The following CD6 variants were observed in gnomAD, a reference collection of about 807,000 sequenced individuals.
CD6 encodes T-cell differentiation antigen CD6.
Under a neutral mutation model 75.3 loss-of-function variants are expected in CD6, and 53 were observed. The observed-to-expected ratio is 0.70, with a 90% CI of 0.56 to 0.88. CD6 has a LOEUF of 0.88. CD6 is among the 40% of genes least tolerant of loss of function. CD6 has a pLI of 0.00. For missense variants in CD6, 770 were observed against 897.1 expected, an observed-to-expected ratio of 0.86 and a Z score of 1.81; for synonymous variants, 359 against 381.5, an observed-to-expected ratio of 0.94 and a Z score of 0.69.
chr11:61,019,151 C>T (rs1012832315), intron 12 of CD6, 103 bp from the exon 13 acceptor site: 2 of 777,402 alleles, frequency 2.6e-6, no homozygotes, highest in Non-Finnish European at 4.2e-6. Flanking sequence ...CATGCAGCAT[C>T]CCACGGGGAT....
Position 61,020,223 on chromosome 11 carries a change from G to A in CD6, c.*905G>A, listed in dbSNP as rs1859607357. On this transcript the variant is annotated 3_prime_UTR_variant, in exon 13 of 13. Transcript: ENST00000313421. ...TCCCCATGTGTCTCCTTGAATTGATGAGGATGCTCCTGGGAGGGATGCGTG... is the reference window on the plus strand; with the variant it reads ...TCCCCATGTGTCTCCTTGAATTGATAAGGATGCTCCTGGGAGGGATGCGTG... 2.5e-6 allele frequency: 1 copy of A among 398,840 alleles called. No homozygotes were observed. Among genetic ancestry groups the A allele is most frequent in the Non-Finnish European group, 4.4e-6 (1 of 226,076 alleles). 24.7% of individuals were successfully genotyped at this position (398,840 alleles called of 1,614,324 possible). A position where few individuals can be genotyped will look rare whatever the true frequency, so the allele number is the denominator to read the frequency against.
intron 1 of CD6, among the ~76,000 whole-genome samples, chr11:61,000,896 TG>T (rs1858553000): frequency 6.6e-6 from 1 of 152,178 alleles, no homozygotes; most frequent in Non-Finnish European, 1.5e-5. Context: ...GACTTCTGCA[TG>T]GGACTGGCCT....
chr11:60,987,294 G>A (rs1366575682), intron 1 of CD6, among the ~76,000 whole-genome samples: 12 of 152,100 alleles, frequency 7.9e-5, no homozygotes, highest in Non-Finnish European at 1.3e-4. Context: ...CCCAATCTCC[G>A]CCTTATCTTA....
intron 1 of CD6, among the ~76,000 whole-genome samples, chr11:60,983,180 T>C (rs1378076512): frequency 6.6e-6 from 1 of 151,256 alleles, no homozygotes; most frequent in Non-Finnish European, 1.5e-5. Flanking sequence ...CACTGCAACC[T>C]CCACCTCCCA....
chr11:61,003,639 C>T (rs1858706435), intron 1 of CD6, among the ~76,000 whole-genome samples: 1 of 152,180 alleles, frequency 6.6e-6, no homozygotes, highest in Non-Finnish European at 1.5e-5. Flanking sequence ...GAAACTGAGG[C>T]ACGAGAATCG....
chr11:61,001,198 CT>C (rs143567183), intron 1 of CD6, among the ~76,000 whole-genome samples: 25,702 of 109,636 alleles, frequency 0.23, 2,000 homozygotes, highest in East Asian at 0.44. Flanking sequence ...GATGATGTGT[CT>C]TTTTTTTTTT....
chr11:61,008,897 C>T, intron 4 of CD6, 52 bp downstream of exon 4: 1 of 1,428,058 alleles, frequency 7.0e-7, no homozygotes, highest in South Asian at 1.5e-5. Context: ...TCACCATAGG[C>T]CTACTGGGCG....
At chr11:60,983,100 C>CA in intron 1 of CD6, among the ~76,000 whole-genome samples, 1 of 143,244 alleles carries the variant, frequency 7.0e-6, no homozygotes, top group South Asian at 2.2e-4. Context: ...TTTTACTTCA[C>CA]TTTTTTTTTT....
At position 61,008,622 on chromosome 11, in the gene CD6, C is replaced by CGATG. The variant is rs1048784478; in HGVS notation, c.559_562dup (p.Asp188GlyfsTer2). The CGATG allele has an allele frequency of 6.2e-7, 1 of 1,607,782 alleles. No individual in the cohort carries two copies. The highest frequency in any genetic ancestry group is 1.3e-5 in the African/African-American group (1 of 74,856). On this transcript the variant is annotated frameshift_variant, in exon 4 of 13. Coordinates refer to ENST00000313421, the MANE Select transcript of CD6 (RefSeq NM_006725.5). LOFTEE classifies it high-confidence loss of function. ...AGCATGGCGAGTGGGGATCAGTGTG[C>CGATG]GATGACACTTGGGACCTGGAGGACG...
intron 1 of CD6, among the ~76,000 whole-genome samples, chr11:61,000,222 A>G (rs2905516): frequency 0.93 from 141,044 of 152,178 alleles, 65,705 homozygotes; most frequent in East Asian, 1. Context: ...ATTTAGGATA[A>G]GTTCCCAGAT....
chr11:61,010,087 C>A (rs1859074593), intron 5 of CD6, among the ~76,000 whole-genome samples: 1 of 152,196 alleles, frequency 6.6e-6, no homozygotes, highest in Admixed American at 6.5e-5. Flanking sequence ...AATGATGAAT[C>A]ATATATGAAG....
At chr11:61,018,694 T>C (rs951009290) in intron 12 of CD6, 12 of 364,280 alleles carry the variant, frequency 3.3e-5, no homozygotes, top group Non-Finnish European at 5.1e-5. Context: ...AGCACGTGCC[T>C]ATAGTCCCAG....
intron 9 of CD6, 148 bp from the exon 10 acceptor site, chr11:61,017,331 A>G (rs1859447212): frequency 3.1e-6 from 2 of 640,208 alleles, no homozygotes; most frequent in Non-Finnish European, 5.6e-6. Context: ...CTGGAATTTG[A>G]TGGGAAATGC....
At chr11:61,001,388 A>C (rs752482691) in intron 1 of CD6, among the ~76,000 whole-genome samples, 21 of 152,058 alleles carry the variant, frequency 1.4e-4, no homozygotes, top group Admixed American at 8.5e-4. Context: ...TTTTTAGTAG[A>C]GACAGGGTTT....
rs1372296237 is a variant in CD6 at position 60,998,756 on chromosome 11, TC to T, written c.50-7812del. 5.4e-5 allele frequency among the ~76,000 whole-genome samples: 8 copies of T among 148,682 alleles called. No individual in the cohort carries two copies. In the South Asian group the frequency reaches 1.5e-3, roughly 28 times the overall value. On this transcript the variant is annotated intron_variant, in intron 1 of 12. Coordinates refer to ENST00000313421, the MANE Select transcript of CD6 (RefSeq NM_006725.5). The stretch of plus-strand genomic sequence containing the variant: ...TTAGTACTTCAAGCTAGCCCACATG[TC>T]CCCCCAGGAAAAAAGCCCTGTGTAT...
chr11:61,011,463 C>A (rs913445692), intron 6 of CD6, among the ~76,000 whole-genome samples: 1 of 152,002 alleles, frequency 6.6e-6, no homozygotes, highest in Non-Finnish European at 1.5e-5. Flanking sequence ...GGGTCAGGGT[C>A]GGGGCAGCAG....
chr11:60,992,834 TA>T (rs978613197), intron 1 of CD6, among the ~76,000 whole-genome samples: 2 of 148,152 alleles, frequency 1.3e-5, no homozygotes, highest in East Asian at 2.0e-4. Context: ...TCTCCAAAAA[TA>T]AAAAAAAATA....
Position 61,007,651 on chromosome 11 carries a change from C to A in CD6, c.210C>A (p.Cys70Ter). The stretch of plus-strand genomic sequence containing the variant: ...TCGAGGCGTCCTGGGAGCCCGCGTG[C>A]GGGGCGCTCTGGGACAGCCGCGCCG... ...VRLEASWEPA[C>*]GALWDSRAAE... The change falls in exon 3 of 13, where the codon TGC becomes TGA. Residue 70 changes from cysteine to a stop codon, truncating the protein, a stop_gained. Coordinates refer to ENST00000313421, the MANE Select transcript of CD6 (RefSeq NM_006725.5). LOFTEE classifies it high-confidence loss of function. This position sits in a 1 kb window ranked among gnomAD's most constrained non-coding sequence, Gnocchi z 4.2. 1.4e-6 allele frequency: 2 copies of A among 1,462,268 alleles called. No homozygotes were observed. The highest frequency in any genetic ancestry group is 9.0e-7 in the Non-Finnish European group (1 of 1,106,550). 90.6% of individuals were successfully genotyped at this position (1,462,268 alleles called of 1,614,324 possible). A position where few individuals can be genotyped will look rare whatever the true frequency, so the allele number is the denominator to read the frequency against.
At chr11:61,018,118 C>A in intron 11 of CD6, 105 bp downstream of exon 11, 1 of 1,441,636 alleles carries the variant, frequency 6.9e-7, no homozygotes, top group Non-Finnish European at 9.5e-7. Context: ...CTACCCAGTT[C>A]CGCAGCCATT....
Sources: gnomAD v4.1 joint callset for allele counts (sites outside exome capture counted in the v4.1 genomes callset) on GRCh38, gnomAD v4.1.1 for gene constraint, Gnocchi (gnomAD v3.1) non-coding constraint, MANE v1.5 for transcripts, NCBI Gene and HGNC (gene_info 2026-07-23, HGNC 2026-07-21) for gene names.